The following GPCPD1 variants were observed in gnomAD, a reference collection of about 807,000 sequenced individuals.
GPCPD1 encodes the protein glycerophosphocholine phosphodiesterase 1.
In GPCPD1, 29 loss-of-function variants were observed where a neutral mutation model predicts 89.2. That is an observed-to-expected ratio of 0.33 (90% CI 0.24 to 0.44). The LOEUF is 0.44. Among genes scored for constraint, GPCPD1 ranks in the 20% least tolerant of loss-of-function variants. The pLI, the probability that GPCPD1 is intolerant of heterozygous loss-of-function variation, is 1.00. For synonymous variants in GPCPD1, 258 were observed against 266.3 expected (o/e 0.97, Z 0.30); for missense variants, 594 against 808.9 (o/e 0.73, Z 3.22).
intron 19 of GPCPD1, among the ~76,000 whole-genome samples, chr20:5,552,791 G>A (rs1053144969): frequency 6.6e-6 from 1 of 152,124 alleles, no homozygotes; most frequent in African/African-American, 2.4e-5. Flanking sequence ...AACTAATTGA[G>A]ACAAAATACT....
chr20:5,575,928 C>T lies in GPCPD1; in HGVS notation c.756G>A (p.Val252=), dbSNP rs1201292216. 3.1e-6 allele frequency: 5 copies of T among 1,604,004 alleles called. No homozygotes were observed. The highest frequency in any genetic ancestry group is 1.3e-5 in the African/African-American group (1 of 74,664). Residue 252 remains valine, a synonymous_variant, in exon 9 of 20, where the codon GTG becomes GTA. Transcript: ENST00000379019. ...VVQGDALPGH[V]GTACLLSSTI... ...TGGATGATAAGAGACAAGCTGTACC[C>T]ACATGTCCAGGAAGGGCATCACCCT...
intron 15 of GPCPD1, 61 bp from the exon 16 acceptor site, chr20:5,561,591 C>G: frequency 2.7e-6 from 2 of 740,342 alleles, no homozygotes; most frequent in South Asian, 1.7e-5. Flanking sequence ...AATAAGAAAA[C>G]AAAAAAAATA....
At chr20:5,600,882 C>G (rs970909832) in intron 2 of GPCPD1, among the ~76,000 whole-genome samples, 2 of 151,562 alleles carry the variant, frequency 1.3e-5, no homozygotes, top group Non-Finnish European at 2.9e-5. Flanking sequence ...CGCAACTACT[C>G]AGGAGGATGA....
chr20:5,584,039 A>G (rs912792102), intron 6 of GPCPD1, among the ~76,000 whole-genome samples: 2 of 152,226 alleles, frequency 1.3e-5, no homozygotes, highest in African/African-American at 4.8e-5. Flanking sequence ...AACAATGAAG[A>G]TAAGTTCTGA....
At chr20:5,572,001 T>C (rs1353352134) in intron 11 of GPCPD1, among the ~76,000 whole-genome samples, 2 of 152,070 alleles carry the variant, frequency 1.3e-5, no homozygotes, top group Non-Finnish European at 2.9e-5. Flanking sequence ...AGGGGATCGC[T>C]TGAGCCCACA....
At chr20:5,581,298 A>G (rs1978464807) in intron 6 of GPCPD1, among the ~76,000 whole-genome samples, 1 of 152,198 alleles carries the variant, frequency 6.6e-6, no homozygotes, top group African/African-American at 2.4e-5. Flanking sequence ...AAGTAGGGGG[A>G]AAAATTAAAT....
At chr20:5,594,544 G>A (rs966964248) in intron 3 of GPCPD1, among the ~76,000 whole-genome samples, 11 of 151,790 alleles carry the variant, frequency 7.2e-5, no homozygotes, top group Admixed American at 3.9e-4. Flanking sequence ...CAACCGCCTC[G>A]GCCTCCCAAA....
chr20:5,548,812 G>T (rs2122514664), intron 19 of GPCPD1: 4 of 526,938 alleles, frequency 7.6e-6, no homozygotes, highest in Non-Finnish European at 1.2e-5. Flanking sequence ...AGAGTTAAAA[G>T]CAGGAGCAGA....
At chr20:5,562,411 T>G (rs1167795124) in intron 15 of GPCPD1, among the ~76,000 whole-genome samples, 3 of 152,110 alleles carry the variant, frequency 2.0e-5, no homozygotes. Context: ...GCCTCCCAAG[T>G]AGCTGGGATT....
intron 3 of GPCPD1, among the ~76,000 whole-genome samples, chr20:5,598,443 G>A (rs1258772091): frequency 2.1e-5 from 3 of 145,862 alleles, no homozygotes; most frequent in Non-Finnish European, 4.5e-5. Context: ...AACCAGTCAA[G>A]AATTAAAAGT....
rs149211741 is a variant in GPCPD1, at chr20:5,548,609, G to A, written c.1830-759C>T. On this transcript the variant is annotated intron_variant, in intron 19 of 19. Coordinates refer to ENST00000379019, the MANE Select transcript of GPCPD1 (RefSeq NM_019593.5). ...AGACAGAACAGAAGCATCTAACTTC[G>A]TTCTCTCCCTATATTCCATTAAAAA... 5.6e-3 allele frequency among the ~76,000 whole-genome samples: 846 copies of A among 152,274 alleles called. 10 individuals are homozygous for A. Among genetic ancestry groups the A allele is most frequent in the African/African-American group, 0.02 (814 of 41,570 alleles).
At chr20:5,592,227 A>G (rs969464927) in intron 4 of GPCPD1, among the ~76,000 whole-genome samples, 4 of 152,144 alleles carry the variant, frequency 2.6e-5, no homozygotes, top group South Asian at 2.1e-4. Flanking sequence ...TTCCATATCT[A>G]TGACCTATGT....
intron 19 of GPCPD1, among the ~76,000 whole-genome samples, chr20:5,556,131 G>T (rs573839659): frequency 6.6e-6 from 1 of 152,140 alleles, no homozygotes; most frequent in Non-Finnish European, 1.5e-5. Context: ...TAGTAATAAC[G>T]TATTTTAAAA....
chr20:5,590,396 A>G lies in GPCPD1; in HGVS notation c.231+2931T>C, dbSNP rs561333274. Among the ~76,000 whole-genome samples the G allele has an allele frequency of 2.0e-5, 3 of 152,034 alleles. No homozygotes were observed. In the East Asian group the frequency reaches 5.8e-4, roughly 29 times the overall value. The stretch of plus-strand genomic sequence containing the variant: ...TCTCTACTAAAACAATATAAAAATT[A>G]GCCAGGCATAGTGGTTGCATGCCTG... On this transcript the variant is annotated intron_variant, in intron 4 of 19. Transcript: ENST00000379019.
chr20:5,549,602 A>G (rs1434069826), intron 19 of GPCPD1: 1 of 575,898 alleles, frequency 1.7e-6, no homozygotes, highest in Admixed American at 2.8e-5. Flanking sequence ...ATTTAAATTT[A>G]ATTTCCATCC....
intron 19 of GPCPD1, among the ~76,000 whole-genome samples, chr20:5,552,371 T>C (rs944368336): frequency 6.6e-6 from 1 of 152,182 alleles, no homozygotes; most frequent in Non-Finnish European, 1.5e-5. Context: ...CAATTCTTCC[T>C]CTTTAAAGCT....
At chr20:5,609,746 A>C (rs75402014) in intron 1 of GPCPD1, among the ~76,000 whole-genome samples, 1,895 of 151,714 alleles carry the variant, frequency 0.012, 18 homozygotes, top group Non-Finnish European at 0.021. Context: ...GGTTTTCTCT[A>C]GCTCTTGGTT....
chr20:5,568,325 G>A (rs996386706), intron 12 of GPCPD1, among the ~76,000 whole-genome samples: 1 of 148,056 alleles, frequency 6.8e-6, no homozygotes, highest in Non-Finnish European at 1.5e-5. Context: ...CATGCATAAA[G>A]TTTTTCTGGA....
intron 3 of GPCPD1, 32 bp downstream of exon 3, chr20:5,598,693 G>C (rs746082089): frequency 8.0e-7 from 1 of 1,256,170 alleles, no homozygotes; most frequent in Non-Finnish European, 1.2e-6. Flanking sequence ...TAATGTCACA[G>C]TTATTCTGTA....
Sources: gnomAD v4.1 joint callset for allele counts (sites outside exome capture counted in the v4.1 genomes callset) on GRCh38, gnomAD v4.1.1 for gene constraint, MANE v1.5 for transcripts, NCBI Gene and HGNC (gene_info 2026-07-23, HGNC 2026-07-21) for gene names.